Variants in SETD7 observed in about 807,000 individuals in gnomAD.
SETD7 encodes the protein histone-lysine N-methyltransferase SETD7.
A neutral mutation model predicts 41.8 loss-of-function variants in SETD7; 16 were observed. The observed-to-expected ratio is 0.38, with a 90% CI of 0.26 to 0.58. The LOEUF is 0.58. Among genes scored for constraint, SETD7 ranks in the 20% least tolerant of loss-of-function variants. SETD7 has a pLI of 0.64. For synonymous variants in SETD7, 163 were observed against 169.7 expected (o/e 0.96, Z 0.31); for missense variants, 346 against 459.7 (o/e 0.75, Z 2.26).
At chr4:139,504,419 C>T (rs1056388593), downstream of SETD7, among the ~76,000 whole-genome samples, 11 of 152,120 alleles carry the variant, frequency 7.2e-5, no homozygotes, top group African/African-American at 2.7e-4. Flanking sequence ...AGGTAACAGT[C>T]ATTTTCTGAA....
intron 3 of SETD7, among the ~76,000 whole-genome samples, chr4:139,531,023 C>T (rs1484463511): frequency 6.6e-6 from 1 of 151,990 alleles, no homozygotes; most frequent in Non-Finnish European, 1.5e-5. Context: ...TCACTGGCTC[C>T]TCCTCGTGGG....
At position 139,533,333 on chromosome 4, in the gene SETD7, C is replaced by T; in HGVS notation, c.204G>A (p.Leu68=). 6.2e-7 allele frequency: 1 copy of T among 1,614,070 alleles called. No homozygotes were observed. The highest frequency in any genetic ancestry group is 1.1e-5 in the South Asian group (1 of 91,068). The part of the protein sequence containing the change: ...TLEGYYVDDA[L]QGQGVYTYED... ...CGTAAGTGTAAACTCCCTGGCCCTG[C>T]AAGGCATCATCCACATAATACCCCT... The change falls in exon 3 of 8, where the codon TTG becomes TTA. Residue 68 remains leucine (L), a synonymous_variant. Transcript: ENST00000274031.
At chr4:139,503,198 A>G (rs991111806), downstream of SETD7, among the ~76,000 whole-genome samples, 6 of 150,870 alleles carry the variant, frequency 4.0e-5, no homozygotes, top group African/African-American at 1.5e-4. Flanking sequence ...AAAAAAAAAA[A>G]AAGAAGCTGG....
chr4:139,512,573 C>T (rs1241548309), intron 7 of SETD7, among the ~76,000 whole-genome samples: 1 of 152,124 alleles, frequency 6.6e-6, no homozygotes, highest in African/African-American at 2.4e-5. Flanking sequence ...GCTCCCAATC[C>T]TGTTCATCTG....
At chr4:139,532,684 C>A in intron 3 of SETD7, 1 of 168,898 alleles carries the variant, frequency 5.9e-6, no homozygotes, top group Admixed American at 5.8e-5. Context: ...ACAATATAAA[C>A]CATAAAATAC....
chr4:139,521,710 G>C (rs1206795776), intron 5 of SETD7, among the ~76,000 whole-genome samples: 1 of 152,210 alleles, frequency 6.6e-6, no homozygotes, highest in Non-Finnish European at 1.5e-5. Flanking sequence ...CATCTGATCT[G>C]CTTTGCTGGT....
At chr4:139,494,005 A>G (rs1726405316), downstream of SETD7, among the ~76,000 whole-genome samples, 2 of 152,166 alleles carry the variant, frequency 1.3e-5, no homozygotes, top group Admixed American at 1.3e-4. Context: ...CCAAAACTGA[A>G]TCTGGTGGCC....
intron 2 of SETD7, among the ~76,000 whole-genome samples, chr4:139,538,898 A>G (rs1008051612): frequency 6.6e-6 from 1 of 152,180 alleles, no homozygotes; most frequent in African/African-American, 2.4e-5. Context: ...CTGCACATAG[A>G]TCAATTTTTC....
chr4:139,542,040 T>C (rs1308672736), intron 2 of SETD7, among the ~76,000 whole-genome samples: 2 of 152,196 alleles, frequency 1.3e-5, no homozygotes, highest in Admixed American at 6.5e-5. Context: ...ACGTACACAA[T>C]GGTATACTAT....
chr4:139,495,181 C>A (rs1477069007), downstream of SETD7, among the ~76,000 whole-genome samples: 1 of 152,050 alleles, frequency 6.6e-6, no homozygotes, highest in African/African-American at 2.4e-5. Flanking sequence ...TGAAAAGTAC[C>A]CAGTTCAGTG....
intron 3 of SETD7, chr4:139,532,810 A>G (rs1727524308): frequency 3.1e-6 from 1 of 320,646 alleles, no homozygotes. Context: ...TAAAACTAAT[A>G]GCAACAATGA....
intron 2 of SETD7, among the ~76,000 whole-genome samples, chr4:139,535,337 CT>C (rs1381382369): frequency 6.6e-6 from 1 of 152,138 alleles, no homozygotes; most frequent in African/African-American, 2.4e-5. Flanking sequence ...ATTATACTTA[CT>C]TTTTTTGTTG....
intron 6 of SETD7, 63 bp downstream of exon 6, chr4:139,520,214 A>AT (rs1727141898): frequency 2.5e-6 from 2 of 816,012 alleles, no homozygotes; most frequent in Non-Finnish European, 3.9e-6. Context: ...AGGTAAAGGG[A>AT]TTTTGTTTGA....
downstream of SETD7, among the ~76,000 whole-genome samples, chr4:139,503,181 A>AC (rs1371394002): frequency 1.4e-5 from 2 of 143,756 alleles, no homozygotes; most frequent in African/African-American, 5.3e-5. Context: ...CTGTCTCAGA[A>AC]AAAAAAAAAA....
chr4:139,494,797 G>A (rs149373988), downstream of SETD7, among the ~76,000 whole-genome samples: 163 of 152,298 alleles, frequency 1.1e-3, 1 homozygote, highest in African/African-American at 3.6e-3. Flanking sequence ...CAGCATCCTC[G>A]CGGTTCACTC....
chr4:139,500,555 C>G (rs756392881), intron 7 of SETD7, among the ~76,000 whole-genome samples: 6 of 152,232 alleles, frequency 3.9e-5, no homozygotes, highest in Non-Finnish European at 7.3e-5. Flanking sequence ...GTCGTCCAGG[C>G]TGGAGTGCCG....
chr4:139,514,385 C>T (rs139879468), intron 7 of SETD7, among the ~76,000 whole-genome samples: 1 of 152,124 alleles, frequency 6.6e-6, no homozygotes, highest in Non-Finnish European at 1.5e-5. Flanking sequence ...AAAAAACAGA[C>T]CCTGTGTTGA....
chr4:139,504,247 T>A (rs1394002028), downstream of SETD7, among the ~76,000 whole-genome samples: 1 of 152,258 alleles, frequency 6.6e-6, no homozygotes, highest in Non-Finnish European at 1.5e-5. Flanking sequence ...TCTTTTTCCG[T>A]GTACATTATA....
In SETD7 at chr4:139,555,953, C is replaced by T. The variant is rs1286757211; in HGVS notation, c.40+145G>A. The T allele has an allele frequency of 5.9e-6, 4 of 673,336 alleles. No homozygotes were observed. The highest frequency in any genetic ancestry group is 8.4e-6 in the Non-Finnish European group (4 of 473,824). The allele number at this position is 673,336 out of a possible 1,614,324, so 41.7% of individuals were successfully genotyped here. On this transcript the variant is annotated intron_variant, in intron 1 of 7. Coordinates refer to ENST00000274031, the MANE Select transcript of SETD7 (RefSeq NM_030648.4). This position sits in a 1 kb window ranked among gnomAD's most constrained non-coding sequence, Gnocchi z 4.0. ...GGCGGCGTGACCGTGGCTGTCGGGC[C>T]CCCGCCCGAGCCGGGCAACCGGCCA...
Sources: allele counts gnomAD v4.1 joint callset (sites outside exome capture counted in the v4.1 genomes callset), GRCh38; gene constraint gnomAD v4.1.1; non-coding constraint Gnocchi (gnomAD v3.1); transcripts MANE v1.5; gene names NCBI Gene and HGNC (gene_info 2026-07-23, HGNC 2026-07-21).